DMD: variants seen among roughly 807,000 people sequenced by gnomAD.
The protein encoded by DMD is dystrophin, also known as mutant dystrophin.
In DMD, 63 loss-of-function variants were observed where a neutral mutation model predicts 330.1. The ratio of observed to expected loss-of-function variants is 0.19; its 90% CI spans 0.16 to 0.24. The LOEUF (loss-of-function observed/expected upper bound fraction) is 0.24. Ranked by LOEUF, DMD falls within the 10% of genes least tolerant of loss-of-function variation. The probability of loss-of-function intolerance (pLI) is 1.00; values close to 1 mark genes in which losing one functional copy is unlikely to be tolerated. For missense variants in DMD, 3,344 were observed against 2,684.1 expected (o/e 1.25, Z -5.43); for synonymous variants, 1,223 against 959.8 (o/e 1.27, Z -5.07).
chrX:32,652,112 A>T (rs12007740), intron 9 of DMD, among the ~76,000 whole-genome samples: 6,353 of 111,325 alleles, frequency 0.057, 437 homozygotes, highest in African/African-American at 0.2. Flanking sequence ...AGCCTATTAA[A>T]CAAAAGGTTC....
chrX:32,724,406 T>C (rs944731814), intron 7 of DMD, among the ~76,000 whole-genome samples: 3 of 111,713 alleles, frequency 2.7e-5, no homozygotes, highest in Non-Finnish European at 5.7e-5. Context: ...TCTACTAAAG[T>C]CTGCTTTTTA....
At chrX:31,524,725 C>T (rs761550823) in intron 55 of DMD, among the ~76,000 whole-genome samples, 1 of 112,353 alleles carries the variant, frequency 8.9e-6, no homozygotes, top group Non-Finnish European at 1.9e-5. Flanking sequence ...ACAAGAAACT[C>T]CTTGAGCACG....
At chrX:31,373,289 T>C (rs1459967066) in intron 60 of DMD, among the ~76,000 whole-genome samples, 6 of 106,182 alleles carry the variant, frequency 5.7e-5, no homozygotes, top group African/African-American at 2.0e-4. Context: ...AAGCTACCAA[T>C]GACTTTCTTC....
In DMD at chrX:31,121,713, G is replaced by A. The variant is rs2032594672; in HGVS notation, c.*206C>T. The A allele has an allele frequency of 2.3e-5, 13 of 560,304 alleles. No homozygotes were observed. The East Asian group carries it at 4.7e-4, about 20-fold the overall frequency. 46.2% of individuals were successfully genotyped at this position (560,304 alleles called of 1,213,427 possible). On this transcript the variant is annotated 3_prime_UTR_variant, in exon 79 of 79. Transcript: ENST00000357033. Reference sequence around the variant, plus strand: ...GACTTAGAAACTACTGAAATCTACAGTATAATACCACTACCCTTCACAAAA... The same window carrying A: ...GACTTAGAAACTACTGAAATCTACAATATAATACCACTACCCTTCACAAAA...
chrX:33,200,533 GAA>G, intron 1 of DMD, among the ~76,000 whole-genome samples: 1 of 111,148 alleles, frequency 9.0e-6, no homozygotes, highest in East Asian at 2.8e-4. Context: ...TTTTTTCCTA[GAA>G]AAGTGGTATC....
At chrX:32,412,227 A>C (rs775698656) in intron 29 of DMD, 10 of 1,034,537 alleles carry the variant, frequency 9.7e-6, no homozygotes, top group Non-Finnish European at 1.3e-6. Flanking sequence ...TGTCTTTCTC[A>C]GGTCGAATGT....
chrX:31,999,182 C>A (rs903933326), intron 44 of DMD, among the ~76,000 whole-genome samples: 6 of 111,736 alleles, frequency 5.4e-5, no homozygotes, highest in Middle Eastern at 8.3e-3. Flanking sequence ...CATACTTTCC[C>A]ATTTAAAGTA....
At chrX:32,670,286 C>A (rs1221684472) in intron 9 of DMD, among the ~76,000 whole-genome samples, 2 of 112,006 alleles carry the variant, frequency 1.8e-5, no homozygotes, top group Non-Finnish European at 3.8e-5. Context: ...TCAGTAAGTA[C>A]TTGACAGATT....
At chrX:33,021,987 A>G (rs920091398) in intron 1 of DMD, among the ~76,000 whole-genome samples, 1 of 112,058 alleles carries the variant, frequency 8.9e-6, no homozygotes, top group Non-Finnish European at 1.9e-5. Flanking sequence ...GAAATGGAAC[A>G]TTTCAAATGG....
At chrX:31,195,016 C>A (rs1440110076) in intron 67 of DMD, among the ~76,000 whole-genome samples, 3 of 111,901 alleles carry the variant, frequency 2.7e-5, no homozygotes, top group Non-Finnish European at 5.6e-5. Flanking sequence ...AGAAGCAGAA[C>A]TTTTTGTTTA....
At chrX:31,179,918 A>G (rs2040975667) in intron 69 of DMD, among the ~76,000 whole-genome samples, 1 of 111,787 alleles carries the variant, frequency 8.9e-6, no homozygotes, top group Non-Finnish European at 1.9e-5. Context: ...GTGTTAGCAT[A>G]TAAAATGGAT....
At chrX:32,890,050 C>A (rs765390619) in intron 2 of DMD, among the ~76,000 whole-genome samples, 4 of 111,809 alleles carry the variant, frequency 3.6e-5, no homozygotes, top group African/African-American at 9.8e-5. Context: ...AGATTCACTG[C>A]CACTGCATGT....
chrX:31,483,128 G>C (rs896001229), intron 57 of DMD, among the ~76,000 whole-genome samples: 3 of 98,434 alleles, frequency 3.0e-5, no homozygotes, highest in Non-Finnish European at 4.0e-5. Flanking sequence ...CTCACTGCAA[G>C]CTCCACCTCC....
chrX:32,815,289 A>G (rs1209650057), intron 6 of DMD, among the ~76,000 whole-genome samples: 2 of 104,847 alleles, frequency 1.9e-5, no homozygotes, highest in African/African-American at 7.2e-5. Context: ...TTGGCATAGG[A>G]AAATGGTAGA....
At chrX:31,329,926 G>A (rs190596161) in intron 61 of DMD, among the ~76,000 whole-genome samples, 319 of 90,326 alleles carry the variant, frequency 3.5e-3, no homozygotes, top group Non-Finnish European at 5.6e-3. Flanking sequence ...AGCTGAGATC[G>A]TGCCACTGCA....
chrX:31,497,140 C>A (rs1426283830), intron 56 of DMD, among the ~76,000 whole-genome samples, 196 bp from the exon 57 acceptor site: 1 of 112,312 alleles, frequency 8.9e-6, no homozygotes, highest in Non-Finnish European at 1.9e-5. Flanking sequence ...CAGTGTTTAG[C>A]CATATGTTTA....
chrX:31,571,114 TC>T (rs1184506964), intron 55 of DMD, among the ~76,000 whole-genome samples: 2 of 111,663 alleles, frequency 1.8e-5, no homozygotes, highest in Non-Finnish European at 3.8e-5. Context: ...TAATAGACTT[TC>T]TTAGGAAACT....
At chrX:32,858,582 C>T (rs2081800887) in intron 2 of DMD, among the ~76,000 whole-genome samples, 1 of 111,728 alleles carries the variant, frequency 9.0e-6, no homozygotes, top group South Asian at 3.7e-4. Context: ...CCTCCCTCAG[C>T]TTCCCAAAGT....
Position 31,168,295 on chromosome X carries a change from T to C in DMD, c.10553+1148A>G, listed in dbSNP as rs144449773. Reference sequence around the variant, plus strand: ...GGGTTTGAACGCCCCACTAAGAAGCTTGATTTTTTTCTACATGCAGAAATC... The same window carrying C: ...GGGTTTGAACGCCCCACTAAGAAGCCTGATTTTTTTCTACATGCAGAAATC... On this transcript the variant is annotated intron_variant, in intron 74 of 78. Transcript: ENST00000357033. Among the ~76,000 whole-genome samples the C allele has an allele frequency of 2.5e-4, 28 of 111,562 alleles. No homozygotes were observed. In the East Asian group the frequency reaches 7.3e-3, roughly 29 times the overall value.
Sources: allele counts gnomAD v4.1 joint callset (sites outside exome capture counted in the v4.1 genomes callset), GRCh38; gene constraint gnomAD v4.1.1; transcripts MANE v1.5; gene names NCBI Gene and HGNC (gene_info 2026-07-23, HGNC 2026-07-21).